EML2: variants seen among roughly 807,000 people sequenced by gnomAD.
EML2 encodes the protein echinoderm microtubule-associated protein-like 2.
In EML2, 59 loss-of-function variants were observed where a neutral mutation model predicts 84.7. The ratio of observed to expected loss-of-function variants is 0.70; its 90% CI spans 0.56 to 0.86. The LOEUF (loss-of-function observed/expected upper bound fraction) is 0.86, where lower values mean the gene tolerates loss of function less well. Ranked by LOEUF, EML2 falls within the 40% of genes least tolerant of loss-of-function variation. The probability of loss-of-function intolerance (pLI) is 0.00; values close to 1 mark genes in which losing one functional copy is unlikely to be tolerated. For missense variants in EML2, 818 were observed against 855.6 expected, an observed-to-expected ratio of 0.96 and a Z score of 0.55; for synonymous variants, 352 against 348.9, an observed-to-expected ratio of 1.01 and a Z score of -0.10.
chr19:45,638,929 G>A, intron 1 of EML2, 56 bp from the exon 2 acceptor site: 1 of 1,604,632 alleles, frequency 6.2e-7, no homozygotes, highest in South Asian at 1.1e-5. Context: ...TCAGAAAAGG[G>A]GAGAAACCAT....
rs1568436112 is a variant in EML2, at chr19:45,615,796, A to G, written c.1597+6T>C. The G allele has an allele frequency of 2.5e-6, 4 of 1,612,266 alleles. No individual in the cohort carries two copies. Among genetic ancestry groups the G allele is most frequent in the Non-Finnish European group, 3.4e-6 (4 of 1,178,578 alleles). The stretch of plus-strand genomic sequence containing the variant: ...AAGTAATGTCTCTGGGTCCCGGAGA[A>G]CTCACAGTACAGAATCTCATAGTCC... On this transcript the variant is annotated splice_donor_region_variant and intron_variant, in intron 16 of 18. Transcript: ENST00000245925.
chr19:45,619,101 T>C lies in EML2; in HGVS notation c.1213A>G (p.Ser405Gly). The part of the protein sequence containing the change: ...CGQDKLVHLW[S>G]SDSHQPLWSR... Reference sequence around the variant, plus strand: ...CACAGGGGCTGGTGGGAATCTGAGCTCCATAGATGCACCAGCTTATCCTGC... The same window carrying C: ...CACAGGGGCTGGTGGGAATCTGAGCCCCATAGATGCACCAGCTTATCCTGC... The change falls in exon 12 of 19, where the codon AGC (serine) becomes GGC (glycine). Residue 405 changes from serine (S) to glycine (G), a missense_variant. Coordinates refer to ENST00000245925, the MANE Select transcript of EML2 (RefSeq NM_012155.4). The C allele has an allele frequency of 7.4e-6, 12 of 1,613,330 alleles. No individual in the cohort carries two copies. The highest frequency in any genetic ancestry group is 9.3e-6 in the Non-Finnish European group (11 of 1,179,750).
chr19:45,641,572 G>T, upstream of EML2: 1 of 1,458,452 alleles, frequency 6.9e-7, no homozygotes, highest in Non-Finnish European at 9.3e-7. Flanking sequence ...GTGGCCTGGG[G>T]CATGACTACA....
At chr19:45,622,861 C>T (rs1345969955) in intron 9 of EML2, among the ~76,000 whole-genome samples, 4 of 151,426 alleles carry the variant, frequency 2.6e-5, no homozygotes, top group South Asian at 2.1e-4. Context: ...TCCTGGCTAA[C>T]ATGGTGAAAC....
At chr19:45,616,666 C>A in intron 14 of EML2, 99 bp downstream of exon 14, 1 of 1,396,730 alleles carries the variant, frequency 7.2e-7, no homozygotes, top group Non-Finnish European at 1.0e-6. Flanking sequence ...TGCATCCCTC[C>A]TAGGCCTCGC....
At position 45,639,055 on chromosome 19, in the gene EML2, GAC is replaced by G. The variant is rs761051145; in HGVS notation, c.21-184_21-183del. ...GCTCGGTTGATCTTGCAGAGCCTAA[GAC>G]ACAGGCCCAGAGAGGCAGTGATCGC... On this transcript the variant is annotated intron_variant, in intron 1 of 18. Coordinates refer to ENST00000245925, the MANE Select transcript of EML2 (RefSeq NM_012155.4). The G allele has an allele frequency of 8.5e-6, 7 of 825,474 alleles. No individual in the cohort carries two copies. The Admixed American group carries it at 1.2e-4, about 15-fold the overall frequency. 51.1% of individuals were successfully genotyped at this position (825,474 alleles called of 1,614,324 possible). A position where few individuals can be genotyped will look rare whatever the true frequency, so the allele number is the denominator to read the frequency against.
intron 3 of EML2, among the ~76,000 whole-genome samples, chr19:45,637,215 G>C (rs1973827849): frequency 6.6e-6 from 1 of 152,176 alleles, no homozygotes; most frequent in Non-Finnish European, 1.5e-5. Flanking sequence ...CCAGAGAGAA[G>C]CAGACAAGGA....
At chr19:45,612,313 C>T (rs1970579771) in intron 18 of EML2, among the ~76,000 whole-genome samples, 1 of 152,176 alleles carries the variant, frequency 6.6e-6, no homozygotes, top group Non-Finnish European at 1.5e-5. Flanking sequence ...GATCCATCAC[C>T]TTGGTCTCCC....
chr19:45,621,147 GCAGGGAAGGC>G (rs1235682903), intron 11 of EML2, 50 bp downstream of exon 11: 1 of 1,585,888 alleles, frequency 6.3e-7, no homozygotes. Flanking sequence ...AGTGGATGAT[GCAGGGAAGGC>G]CAGGGAAAGA....
At chr19:45,639,221 A>C (rs2122816814) in intron 1 of EML2, 136 bp downstream of exon 1, 1 of 968,476 alleles carries the variant, frequency 1.0e-6, no homozygotes. Flanking sequence ...CGTCAAGCAG[A>C]GGGAGAAACG....
intron 15 of EML2, chr19:45,616,254 G>A (rs560723478): frequency 5.8e-5 from 33 of 568,628 alleles, no homozygotes; most frequent in Middle Eastern, 4.2e-4. Context: ...ACACAGATGG[G>A]CTTAGCACGT....
upstream of EML2, chr19:45,645,317 A>T: frequency 6.5e-7 from 1 of 1,533,214 alleles, no homozygotes; most frequent in Non-Finnish European, 8.7e-7. Context: ...CAGGCCGCAG[A>T]AGGCCGGGCC....
chr19:45,624,206 C>T (rs1203611179), intron 9 of EML2, among the ~76,000 whole-genome samples: 2 of 152,220 alleles, frequency 1.3e-5, no homozygotes, highest in African/African-American at 4.8e-5. Context: ...CTGCCTGAGA[C>T]AAAACCTATT....
rs1365590270 is a variant in EML2 at position 45,638,537 on chromosome 19, C to T, written c.147G>A (p.Glu49=). The change falls in exon 3 of 19, where the codon GAG becomes GAA. Residue 49 remains glutamate (E), a synonymous_variant. Transcript: ENST00000245925. ...APTYSLDTRS[E]LPSCRLKLEW... Reference sequence around the variant, plus strand: ...CCAGCTTGAGCCGGCAAGAAGGCAGCTCCGAGCGTGTGTCCAGGCTGTAGG... The same window carrying T: ...CCAGCTTGAGCCGGCAAGAAGGCAGTTCCGAGCGTGTGTCCAGGCTGTAGG... The T allele has an allele frequency of 6.2e-7, 1 of 1,614,096 alleles. No individual in the cohort carries two copies. The highest frequency in any genetic ancestry group is 1.1e-5 in the South Asian group (1 of 91,080).
intron 18 of EML2, 146 bp from the exon 19 acceptor site, chr19:45,609,934 G>A: frequency 1.1e-6 from 1 of 936,610 alleles, no homozygotes; most frequent in Non-Finnish European, 1.5e-6. Flanking sequence ...TTAGGTATGA[G>A]CACAGCTTCA....
intron 11 of EML2, among the ~76,000 whole-genome samples, chr19:45,620,305 G>A (rs1368359718): frequency 1.3e-5 from 2 of 151,990 alleles, no homozygotes; most frequent in Non-Finnish European, 2.9e-5. Context: ...AGTACAGATG[G>A]TGTTTCACCA....
chr19:45,641,583 T>A, upstream of EML2: 1 of 1,504,330 alleles, frequency 6.6e-7, no homozygotes, highest in South Asian at 1.2e-5. Flanking sequence ...CATGACTACA[T>A]TTCTCGACCA....
upstream of EML2, among the ~76,000 whole-genome samples, chr19:45,643,287 G>A (rs1974752670): frequency 1.3e-5 from 2 of 152,178 alleles, no homozygotes; most frequent in Admixed American, 1.3e-4. Flanking sequence ...GAGCTTCGGC[G>A]GCCCCTGGCG....
intron 18 of EML2, 33 bp downstream of exon 18, chr19:45,613,508 C>T (rs750615251): frequency 1.9e-6 from 3 of 1,609,098 alleles, no homozygotes; most frequent in Non-Finnish European, 2.5e-6. Context: ...TGCTTGCTAC[C>T]CCCGTCCATC....
Sources: gnomAD v4.1 joint callset for allele counts (sites outside exome capture counted in the v4.1 genomes callset) on GRCh38, gnomAD v4.1.1 for gene constraint, MANE v1.5 for transcripts, NCBI Gene and HGNC (gene_info 2026-07-23, HGNC 2026-07-21) for gene names.